The following NWD2 variants were observed in gnomAD, a reference collection of about 807,000 sequenced individuals.
NWD2 encodes the protein NACHT and WD repeat domain-containing protein 2.
In NWD2, 37 loss-of-function variants were observed where a neutral mutation model predicts 132.7. The observed-to-expected ratio is 0.28, with a 90% CI of 0.21 to 0.37. The LOEUF is 0.37. Among genes scored for constraint, NWD2 ranks in the 10% least tolerant of loss-of-function variants. The pLI, the probability that NWD2 is intolerant of heterozygous loss-of-function variation, is 1.00. For synonymous variants in NWD2, 705 were observed against 803.0 expected, an observed-to-expected ratio of 0.88 and a Z score of 2.06; for missense variants, 1,592 against 2,122.4, an observed-to-expected ratio of 0.75 and a Z score of 4.91.
intron 1 of NWD2, among the ~76,000 whole-genome samples, chr4:37,319,998 A>G (rs1283907639): frequency 1.3e-5 from 2 of 152,096 alleles, no homozygotes; most frequent in African/African-American, 4.8e-5. Context: ...ATAGTTTTTT[A>G]TAGTTCTGTG....
chr4:37,250,191 T>A (rs1421275549), intron 1 of NWD2, among the ~76,000 whole-genome samples: 2 of 146,544 alleles, frequency 1.4e-5, no homozygotes, highest in Admixed American at 1.4e-4. Flanking sequence ...CACACAGCCA[T>A]TTGGATACAA....
chr4:37,417,760 G>C (rs1431250245), intron 3 of NWD2, among the ~76,000 whole-genome samples: 1 of 152,146 alleles, frequency 6.6e-6, no homozygotes, highest in African/African-American at 2.4e-5. Flanking sequence ...GCAGGATTCA[G>C]GTTTCTCACA....
At chr4:37,278,051 G>A (rs1216212028) in intron 1 of NWD2, among the ~76,000 whole-genome samples, 1 of 152,168 alleles carries the variant, frequency 6.6e-6, no homozygotes, top group East Asian at 1.9e-4. Context: ...TGTCTGTGTA[G>A]TTTGGTGGTG....
chr4:37,415,397 A>G (rs1711566683), intron 3 of NWD2, among the ~76,000 whole-genome samples: 1 of 152,182 alleles, frequency 6.6e-6, no homozygotes, highest in South Asian at 2.1e-4. Context: ...AAGTAGATAA[A>G]TCATTACTTT....
chr4:37,272,481 T>G (rs1181853442), intron 1 of NWD2, among the ~76,000 whole-genome samples: 1 of 151,818 alleles, frequency 6.6e-6, no homozygotes, highest in Non-Finnish European at 1.5e-5. Flanking sequence ...GATTTTCTGT[T>G]TTATCTTGCA....
Position 37,318,003 on chromosome 4 carries a change from T to A in NWD2, c.152-7933T>A, listed in dbSNP as rs1012690955. ...ACGTTCTGGGAGCTGCTCTAATTTC[T>A]TTTTTCTTTTTTCTTTCTTTTTTTT... On this transcript the variant is annotated intron_variant, in intron 1 of 6. Coordinates refer to ENST00000309447, the MANE Select transcript of NWD2 (RefSeq NM_001144990.2). Among the ~76,000 whole-genome samples the A allele has an allele frequency of 2.1e-5, 3 of 142,748 alleles. No individual in the cohort carries two copies. In the South Asian group the frequency reaches 6.3e-4, roughly 30 times the overall value. The allele number at this position is 142,748 out of a possible 152,430, so 93.6% of individuals were successfully genotyped here.
chr4:37,291,461 G>A (rs1718358555), intron 1 of NWD2, among the ~76,000 whole-genome samples: 1 of 151,986 alleles, frequency 6.6e-6, no homozygotes, highest in Non-Finnish European at 1.5e-5. Context: ...TTTACTTTTA[G>A]TATAATGGAT....
At chr4:37,276,822 A>C (rs1439243755) in intron 1 of NWD2, among the ~76,000 whole-genome samples, 2 of 152,156 alleles carry the variant, frequency 1.3e-5, no homozygotes, top group African/African-American at 2.4e-5. Context: ...TGATGAGTTC[A>C]TGTCCTTTGT....
chr4:37,376,391 T>C (rs936452615), intron 3 of NWD2, among the ~76,000 whole-genome samples: 8 of 152,228 alleles, frequency 5.3e-5, no homozygotes, highest in Non-Finnish European at 1.2e-4. Context: ...TAAAAATATT[T>C]TTATATATGT....
chr4:37,429,300 A>G (rs997040556), intron 3 of NWD2, among the ~76,000 whole-genome samples: 1 of 152,026 alleles, frequency 6.6e-6, no homozygotes, highest in Non-Finnish European at 1.5e-5. Flanking sequence ...ATATATAAAT[A>G]TCAAAATCAC....
intron 3 of NWD2, among the ~76,000 whole-genome samples, chr4:37,419,577 G>T (rs112215251): frequency 6.6e-6 from 1 of 152,006 alleles, no homozygotes; most frequent in East Asian, 1.9e-4. Context: ...CCATCAAAAA[G>T]TGGGCAAAGG....
chr4:37,253,408 A>G (rs1717435246), intron 1 of NWD2, among the ~76,000 whole-genome samples: 1 of 152,186 alleles, frequency 6.6e-6, no homozygotes, highest in African/African-American at 2.4e-5. Context: ...CCTGCTCCAG[A>G]AACAAGGAGC....
chr4:37,418,830 G>GT (rs1711712220), intron 3 of NWD2, among the ~76,000 whole-genome samples: 2 of 152,014 alleles, frequency 1.3e-5, no homozygotes, highest in African/African-American at 4.8e-5. Context: ...AGCATCTGTT[G>GT]TTTTCTGACT....
At chr4:37,301,846 T>G (rs933046484) in intron 1 of NWD2, among the ~76,000 whole-genome samples, 1 of 152,090 alleles carries the variant, frequency 6.6e-6, no homozygotes, top group Admixed American at 6.6e-5. Context: ...GATTTTTATG[T>G]GTGTGCGTAT....
chr4:37,391,520 T>C (rs902372142), intron 3 of NWD2, among the ~76,000 whole-genome samples: 7 of 152,202 alleles, frequency 4.6e-5, no homozygotes, highest in African/African-American at 4.8e-5. Context: ...TTAATAATTG[T>C]CTTGTTTAAA....
chr4:37,289,535 A>G (rs1718315867), intron 1 of NWD2, among the ~76,000 whole-genome samples: 1 of 152,156 alleles, frequency 6.6e-6, no homozygotes, highest in African/African-American at 2.4e-5. Flanking sequence ...TTTTATTTTT[A>G]TTATATGTAT....
chr4:37,442,639 T>C (rs1712518050), intron 6 of NWD2, among the ~76,000 whole-genome samples: 1 of 152,184 alleles, frequency 6.6e-6, no homozygotes, highest in Non-Finnish European at 1.5e-5. Flanking sequence ...ACAAAGCTCT[T>C]TTAACCACCA....
intron 2 of NWD2, among the ~76,000 whole-genome samples, chr4:37,348,673 T>TACACACAC (rs1326646007): frequency 2.1e-4 from 6 of 28,208 alleles, no homozygotes; most frequent in African/African-American, 6.9e-4. Context: ...TATATATATA[T>TACACACAC]ATACACACAC....
chr4:37,305,720 C>T (rs764936650), intron 1 of NWD2, among the ~76,000 whole-genome samples: 34 of 151,964 alleles, frequency 2.2e-4, no homozygotes, highest in Non-Finnish European at 4.6e-4. Flanking sequence ...TGTTTGATTT[C>T]GTTTGCTAGT....
Sources: allele counts gnomAD v4.1 joint callset (sites outside exome capture counted in the v4.1 genomes callset), GRCh38; gene constraint gnomAD v4.1.1; transcripts MANE v1.5; gene names NCBI Gene and HGNC (gene_info 2026-07-23, HGNC 2026-07-21).